SLC4A10: variants seen among roughly 807,000 people sequenced by gnomAD.
The protein encoded by SLC4A10 is solute carrier family 4 member 10.
Under a neutral mutation model 137.7 loss-of-function variants are expected in SLC4A10, and 42 were observed. The observed-to-expected ratio is 0.30, with a 90% CI of 0.24 to 0.39. SLC4A10 has a LOEUF of 0.39. Among genes scored for constraint, SLC4A10 ranks in the 10% least tolerant of loss-of-function variants. The probability of loss-of-function intolerance (pLI) is 1.00; values close to 1 mark genes in which losing one functional copy is unlikely to be tolerated. For synonymous variants in SLC4A10, 474 were observed against 464.1 expected (o/e 1.02, Z -0.27); for missense variants, 925 against 1,355.0 (o/e 0.68, Z 4.98).
intron 1 of SLC4A10, among the ~76,000 whole-genome samples, chr2:161,637,973 G>A (rs1010172457): frequency 1.3e-5 from 2 of 151,982 alleles, no homozygotes; most frequent in Non-Finnish European, 1.5e-5. Flanking sequence ...TGCTATTTGA[G>A]TTTCTGATTT....
chr2:161,828,767 C>CATATATATATAT lies in SLC4A10; in HGVS notation c.278-10991_278-10980dup, dbSNP rs58808663. On this transcript the variant is annotated intron_variant, in intron 3 of 26. Coordinates refer to ENST00000446997, the MANE Select transcript of SLC4A10 (RefSeq NM_001178015.2). ...CTTTTCCTTGGTTTTAATTCTAATT[C>CATATATATATAT]ATATATATATATATATATATATATA... Among the ~76,000 whole-genome samples the CATATATATATAT allele has an allele frequency of 5.6e-3, 234 of 42,052 alleles. 19 individuals are homozygous for CATATATATATAT. Among genetic ancestry groups the CATATATATATAT allele is most frequent in the Non-Finnish European group, 6.6e-3 (126 of 19,114 alleles). 27.6% of individuals were successfully genotyped at this position (42,052 alleles called of 152,430 possible).
chr2:161,715,589 G>A (rs2044767404), intron 1 of SLC4A10, among the ~76,000 whole-genome samples: 1 of 152,018 alleles, frequency 6.6e-6, no homozygotes. Flanking sequence ...AGAACATGTG[G>A]TATTTGGTTT....
At chr2:161,635,487 G>A (rs567204979) in intron 1 of SLC4A10, among the ~76,000 whole-genome samples, 23 of 152,214 alleles carry the variant, frequency 1.5e-4, no homozygotes, top group African/African-American at 5.5e-4. Flanking sequence ...TTATTAATGG[G>A]TCTGCTTTTG....
chr2:161,856,704 T>G (rs915301360), intron 5 of SLC4A10, among the ~76,000 whole-genome samples: 12 of 152,168 alleles, frequency 7.9e-5, no homozygotes, highest in African/African-American at 2.7e-4. Flanking sequence ...TATATTTTAA[T>G]TAGGAATGAA....
At chr2:161,710,477 A>T (rs946052191) in intron 1 of SLC4A10, 10 of 225,568 alleles carry the variant, frequency 4.4e-5, no homozygotes, top group Non-Finnish European at 5.5e-5. Context: ...GTGGAAAAAA[A>T]TTACTATTTT....
chr2:161,965,266 GTT>G, intron 23 of SLC4A10, 93 bp downstream of exon 23: 1 of 1,354,328 alleles, frequency 7.4e-7, no homozygotes, highest in Non-Finnish European at 9.9e-7. Context: ...TCTTTAGACA[GTT>G]TTGTCTTTAG....
intron 15 of SLC4A10, among the ~76,000 whole-genome samples, chr2:161,914,034 G>A (rs1222297815): frequency 6.6e-6 from 1 of 152,116 alleles, no homozygotes; most frequent in Non-Finnish European, 1.5e-5. Flanking sequence ...TAGAGACATT[G>A]CTAATGGAAG....
At chr2:161,939,950 A>C (rs904092825) in intron 15 of SLC4A10, among the ~76,000 whole-genome samples, 4 of 152,140 alleles carry the variant, frequency 2.6e-5, no homozygotes, top group South Asian at 2.1e-4. Flanking sequence ...AGTACTTTAC[A>C]AATAATGTTA....
chr2:161,828,350 G>C (rs1447306054), intron 3 of SLC4A10, among the ~76,000 whole-genome samples: 1 of 151,608 alleles, frequency 6.6e-6, no homozygotes, highest in Non-Finnish European at 1.5e-5. Context: ...ACTGACCCTT[G>C]GATTTGCTTA....
At chr2:161,904,750 A>G in intron 13 of SLC4A10, 26 bp from the exon 14 acceptor site, 1 of 1,612,792 alleles carries the variant, frequency 6.2e-7, no homozygotes, top group Non-Finnish European at 8.5e-7. Context: ...AGCTTAGGTA[A>G]TTGAACCATT....
rs562716879 is a variant in SLC4A10, at chr2:161,729,530, TGTA to T, written c.49-41441_49-41439del. ...CACAAAAGTTTTTTTTAAAAAAAAT[TGTA>T]GGAGAAGATCATACAATTTGTAAGA... On this transcript the variant is annotated intron_variant, in intron 1 of 26. Coordinates refer to ENST00000446997, the MANE Select transcript of SLC4A10 (RefSeq NM_001178015.2). Among the ~76,000 whole-genome samples, 47 of 152,296 alleles carry T rather than the reference TGTA, an allele frequency of 3.1e-4. 1 individual carries two copies. The highest frequency in any genetic ancestry group is 1.1e-3 in the African/African-American group (45 of 41,572).
At chr2:161,921,294 A>G (rs1688083312) in intron 15 of SLC4A10, among the ~76,000 whole-genome samples, 1 of 152,200 alleles carries the variant, frequency 6.6e-6, no homozygotes, top group South Asian at 2.1e-4. Flanking sequence ...GTAGTTACGC[A>G]GAGTAGAATG....
At chr2:161,845,605 T>C (rs1362880618) in intron 4 of SLC4A10, among the ~76,000 whole-genome samples, 1 of 152,124 alleles carries the variant, frequency 6.6e-6, no homozygotes, top group Non-Finnish European at 1.5e-5. Context: ...GGAAGAATAA[T>C]TGGATTTTTT....
chr2:161,827,658 T>C (rs988510385), intron 3 of SLC4A10, among the ~76,000 whole-genome samples: 11 of 151,926 alleles, frequency 7.2e-5, no homozygotes, highest in Non-Finnish European at 1.5e-4. Context: ...CTCCGCCTCC[T>C]GGGTTCACAC....
At chr2:161,933,634 A>T (rs940877861) in intron 15 of SLC4A10, among the ~76,000 whole-genome samples, 6 of 152,168 alleles carry the variant, frequency 3.9e-5, no homozygotes, top group Admixed American at 1.3e-4. Context: ...GCTTCAAGCA[A>T]TCCTCCTGCC....
chr2:161,941,493 T>A (rs1692687739), intron 15 of SLC4A10, among the ~76,000 whole-genome samples: 1 of 152,158 alleles, frequency 6.6e-6, no homozygotes, highest in African/African-American at 2.4e-5. Flanking sequence ...ATATGTCCCA[T>A]GTTCACTTTG....
At chr2:161,807,555 T>C (rs2056121770) in intron 3 of SLC4A10, among the ~76,000 whole-genome samples, 1 of 152,256 alleles carries the variant, frequency 6.6e-6, no homozygotes, top group East Asian at 1.9e-4. Context: ...ACCCCTCTAC[T>C]TTTCTTCTAT....
intron 17 of SLC4A10, among the ~76,000 whole-genome samples, chr2:161,948,894 G>A (rs1694308845): frequency 6.6e-6 from 1 of 152,062 alleles, no homozygotes; most frequent in Non-Finnish European, 1.5e-5. Context: ...ATTGAAAACA[G>A]CACAACCACG....
At chr2:161,921,127 A>G (rs757996713) in intron 15 of SLC4A10, among the ~76,000 whole-genome samples, 4 of 152,244 alleles carry the variant, frequency 2.6e-5, no homozygotes, top group Non-Finnish European at 4.4e-5. Flanking sequence ...TGGAGAGCTC[A>G]GAAGCATTCA....
Sources: gnomAD v4.1 joint callset for allele counts (sites outside exome capture counted in the v4.1 genomes callset) on GRCh38, gnomAD v4.1.1 for gene constraint, MANE v1.5 for transcripts, NCBI Gene and HGNC (gene_info 2026-07-23, HGNC 2026-07-21) for gene names.